SYN2: variants seen among roughly 807,000 people sequenced by gnomAD.
SYN2 encodes the protein synapsin-2.
SYN2 carries 19 observed loss-of-function variants against 50.9 expected under a neutral mutation model. The ratio of observed to expected loss-of-function variants is 0.37; its 90% CI spans 0.26 to 0.55. The LOEUF (loss-of-function observed/expected upper bound fraction) is 0.55. SYN2 is among the 20% of genes least tolerant of loss of function. The probability of loss-of-function intolerance (pLI) is 0.81; values close to 1 mark genes in which losing one functional copy is unlikely to be tolerated. For synonymous variants in SYN2, 255 were observed against 224.9 expected (o/e 1.13, Z -1.20); for missense variants, 587 against 576.4 (o/e 1.02, Z -0.19).
chr3:12,009,129 A>G (rs1286925157), intron 1 of SYN2, among the ~76,000 whole-genome samples: 1 of 152,242 alleles, frequency 6.6e-6, no homozygotes, highest in African/African-American at 2.4e-5. Flanking sequence ...TAACATAAAT[A>G]TACTGATTGC....
intron 1 of SYN2, among the ~76,000 whole-genome samples, chr3:12,040,853 A>G (rs1353462562): frequency 1.3e-5 from 2 of 152,202 alleles, no homozygotes; most frequent in African/African-American, 4.8e-5. Flanking sequence ...TGTAGATTGT[A>G]TTATAGTTTT....
intron 1 of SYN2, among the ~76,000 whole-genome samples, chr3:12,091,856 GACTT>G (rs1695837198): frequency 6.6e-6 from 1 of 152,126 alleles, no homozygotes; most frequent in African/African-American, 2.4e-5. Context: ...TTTCTATAAA[GACTT>G]ACTTGGATAT....
chr3:12,028,976 C>T (rs1336121602), intron 1 of SYN2, among the ~76,000 whole-genome samples: 1 of 16,394 alleles, frequency 6.1e-5, no homozygotes, highest in Non-Finnish European at 1.2e-4. Context: ...AATGGTAATG[C>T]CTAGGTTTTC....
At chr3:12,103,101 T>C (rs1696110944) in intron 1 of SYN2, among the ~76,000 whole-genome samples, 1 of 152,130 alleles carries the variant, frequency 6.6e-6, no homozygotes, top group Non-Finnish European at 1.5e-5. Context: ...ATTTTATAGA[T>C]GAAAAAACAG....
intron 1 of SYN2, among the ~76,000 whole-genome samples, chr3:12,087,143 T>C (rs1381003885): frequency 6.6e-6 from 1 of 152,110 alleles, no homozygotes; most frequent in Non-Finnish European, 1.5e-5. Flanking sequence ...TATCTCATAG[T>C]AAATTTAACC....
intron 1 of SYN2, among the ~76,000 whole-genome samples, chr3:12,041,538 G>A (rs1694614995): frequency 6.6e-6 from 1 of 152,198 alleles, no homozygotes; most frequent in South Asian, 2.1e-4. Flanking sequence ...GAAGTAAGCA[G>A]CTTTCCAGAA....
chr3:12,116,600 G>T (rs1424986214), intron 1 of SYN2, among the ~76,000 whole-genome samples: 1 of 152,152 alleles, frequency 6.6e-6, no homozygotes, highest in Non-Finnish European at 1.5e-5. Context: ...AGCTTTATGT[G>T]TTTTGTGGAG....
chr3:12,054,699 G>A (rs1379510405), intron 1 of SYN2, among the ~76,000 whole-genome samples: 4 of 149,598 alleles, frequency 2.7e-5, no homozygotes, highest in African/African-American at 1.0e-4. Flanking sequence ...CTGTCTCCTG[G>A]GGAGTAGTTC....
At chr3:12,046,986 G>A (rs1160184214) in intron 1 of SYN2, among the ~76,000 whole-genome samples, 1 of 152,146 alleles carries the variant, frequency 6.6e-6, no homozygotes, top group Non-Finnish European at 1.5e-5. Flanking sequence ...GAAGTTGGGT[G>A]TATGGGTTTG....
intron 5 of SYN2, among the ~76,000 whole-genome samples, chr3:12,161,187 C>T (rs1438808892): frequency 1.3e-5 from 2 of 152,232 alleles, no homozygotes; most frequent in African/African-American, 4.8e-5. Flanking sequence ...TATTAAAGTA[C>T]ATCTACATAT....
intron 1 of SYN2, among the ~76,000 whole-genome samples, chr3:12,058,298 C>G (rs1311087514): frequency 6.6e-6 from 1 of 152,122 alleles, no homozygotes; most frequent in Non-Finnish European, 1.5e-5. Context: ...CTGAATGATT[C>G]CCAGCTGTAT....
At chr3:12,087,937 A>G (rs1201571773) in intron 1 of SYN2, among the ~76,000 whole-genome samples, 1 of 152,112 alleles carries the variant, frequency 6.6e-6, no homozygotes, top group East Asian at 1.9e-4. Flanking sequence ...ACCCCTCAAA[A>G]TGAATTAAAA....
At chr3:12,017,818 T>G (rs57202963) in intron 1 of SYN2, among the ~76,000 whole-genome samples, 2,196 of 152,292 alleles carry the variant, frequency 0.014, 61 homozygotes, top group African/African-American at 0.048. Context: ...AAAAAATGAT[T>G]TAGAAAAATA....
chr3:12,056,418 C>CTTTT (rs5846742), intron 1 of SYN2, among the ~76,000 whole-genome samples: 7 of 150,296 alleles, frequency 4.7e-5, no homozygotes, highest in South Asian at 4.2e-4. Context: ...AAGCAATACT[C>CTTTT]TTTTTTTTTA....
chr3:12,118,736 G>A (rs1696487594), intron 1 of SYN2, among the ~76,000 whole-genome samples: 1 of 151,908 alleles, frequency 6.6e-6, no homozygotes, highest in South Asian at 2.1e-4. Context: ...CTTATTTATT[G>A]GGCTTGGCAA....
chr3:12,139,535 A>G (rs1035338656), intron 1 of SYN2, among the ~76,000 whole-genome samples: 1 of 152,166 alleles, frequency 6.6e-6, no homozygotes, highest in African/African-American at 2.4e-5. Context: ...ACCATTTTCA[A>G]TTCTGAATCT....
At chr3:12,130,636 A>C (rs188862362) in intron 1 of SYN2, among the ~76,000 whole-genome samples, 62 of 152,306 alleles carry the variant, frequency 4.1e-4, no homozygotes, top group African/African-American at 1.5e-3. Flanking sequence ...TTAAACAAAT[A>C]TCTGGGCACC....
chr3:12,159,355 A>G (rs1697572597), intron 5 of SYN2: 1 of 154,680 alleles, frequency 6.5e-6, no homozygotes, highest in Non-Finnish European at 1.4e-5. Flanking sequence ...GCTGAGCTGC[A>G]CGCTGGGAAT....
intron 10 of SYN2, among the ~76,000 whole-genome samples, chr3:12,179,000 G>A (rs892125366): frequency 2.6e-5 from 4 of 152,174 alleles, no homozygotes; most frequent in African/African-American, 9.7e-5. Flanking sequence ...AGGTAAGAAT[G>A]GAATGAGCTG....
Sources: allele counts gnomAD v4.1 joint callset (sites outside exome capture counted in the v4.1 genomes callset), GRCh38; gene constraint gnomAD v4.1.1; transcripts MANE v1.5; gene names NCBI Gene and HGNC (gene_info 2026-07-23, HGNC 2026-07-21).